TNIK: variants seen among roughly 807,000 people sequenced by gnomAD.
The protein encoded by TNIK is TRAF2 and NCK interacting kinase, also known as TRAF2 and NCK-interacting protein kinase.
Under a neutral mutation model 191.3 loss-of-function variants are expected in TNIK, and 49 were observed. That is an observed-to-expected ratio of 0.26 (90% CI 0.20 to 0.32). TNIK has a LOEUF of 0.32. Ranked by LOEUF, TNIK falls within the 10% of genes least tolerant of loss-of-function variation. The pLI is 1.00. For synonymous variants in TNIK, 594 were observed against 600.9 expected, an observed-to-expected ratio of 0.99 and a Z score of 0.17; for missense variants, 1,155 against 1,702.3, an observed-to-expected ratio of 0.68 and a Z score of 5.66.
chr3:171,168,556 G>T (rs929364024), intron 9 of TNIK, among the ~76,000 whole-genome samples: 3 of 152,024 alleles, frequency 2.0e-5, no homozygotes, highest in African/African-American at 7.2e-5. Context: ...TTTATTCCAT[G>T]TTTTTAAAGT....
chr3:171,253,248 C>T (rs1746447996), intron 2 of TNIK, among the ~76,000 whole-genome samples: 2 of 149,520 alleles, frequency 1.3e-5, no homozygotes, highest in South Asian at 2.1e-4. Flanking sequence ...CACACCACTG[C>T]ACTCCAGCCT....
rs1723461864 is a variant in TNIK, at chr3:171,419,308, C to T, written c.57+40699G>A. On this transcript the variant is annotated intron_variant, in intron 1 of 32. Transcript: ENST00000436636. The stretch of plus-strand genomic sequence containing the variant: ...AGTAAATGTCCATAATGGGAAAATC[C>T]GTAAAGACAGAAAGTAGATTAGTGA... Among the ~76,000 whole-genome samples the T allele has an allele frequency of 2.6e-5, 4 of 152,010 alleles. No homozygotes were observed. In the South Asian group the frequency reaches 8.3e-4, roughly 31 times the overall value.
intron 18 of TNIK, among the ~76,000 whole-genome samples, chr3:171,113,311 A>G (rs1053924715): frequency 6.6e-6 from 1 of 152,180 alleles, no homozygotes; most frequent in Non-Finnish European, 1.5e-5. Flanking sequence ...TAATTATTAT[A>G]AAATGCTAAT....
chr3:171,292,671 G>T (rs1482089384), intron 2 of TNIK, among the ~76,000 whole-genome samples: 1 of 151,504 alleles, frequency 6.6e-6, no homozygotes, highest in East Asian at 1.9e-4. Flanking sequence ...AGCTACTCGG[G>T]AGGCTGAGGC....
At chr3:171,145,544 G>C (rs1731444644) in intron 12 of TNIK, among the ~76,000 whole-genome samples, 1 of 152,146 alleles carries the variant, frequency 6.6e-6, no homozygotes, top group South Asian at 2.1e-4. Context: ...GCACTTTCAA[G>C]CATGTGAATT....
At chr3:171,309,906 T>C (rs1313494745) in intron 2 of TNIK, among the ~76,000 whole-genome samples, 1 of 152,152 alleles carries the variant, frequency 6.6e-6, no homozygotes, top group Non-Finnish European at 1.5e-5. Context: ...CTAGTTGTCC[T>C]CTTGGGGAGA....
In TNIK at chr3:171,197,792, G is replaced by A. The variant is rs150064896; in HGVS notation, c.307-3157C>T. 3.9e-5 allele frequency among the ~76,000 whole-genome samples: 6 copies of A among 152,286 alleles called. No homozygotes were observed. The East Asian group carries it at 9.6e-4, about 24-fold the overall frequency. On this transcript the variant is annotated intron_variant, in intron 4 of 32. Coordinates refer to ENST00000436636, the MANE Select transcript of TNIK (RefSeq NM_015028.4). ...GTATTGGTGAGGATGTGGGGAAACT[G>A]GAACCTCTATACATTGCTAATGGTA... is the stretch of plus-strand genomic sequence containing the variant.
rs755619663 is a variant in TNIK at position 171,063,788 on chromosome 3, T to C, written c.*93A>G. The C allele has an allele frequency of 2.1e-5, 28 of 1,305,822 alleles. No individual in the cohort carries two copies. The highest frequency in any genetic ancestry group is 2.8e-5 in the Non-Finnish European group (26 of 933,906). The allele number at this position is 1,305,822 out of a possible 1,614,324, so 80.9% of individuals were successfully genotyped here. A position where few individuals can be genotyped will look rare whatever the true frequency, so the allele number is the denominator to read the frequency against. ...AAGCGATATGTTCAACCAAGCCTTC[T>C]GATTCTGCCTCTAGACTGGCATAAG... On this transcript the variant is annotated 3_prime_UTR_variant, in exon 33 of 33. Transcript: ENST00000436636.
chr3:171,096,436 T>A (rs1722727131), intron 22 of TNIK, among the ~76,000 whole-genome samples: 1 of 152,156 alleles, frequency 6.6e-6, no homozygotes, highest in Admixed American at 6.5e-5. Context: ...TTACTGTGGC[T>A]TACAAGCTCT....
At chr3:171,190,877 A>G in intron 5 of TNIK, 90 bp from the exon 6 acceptor site, 1 of 883,496 alleles carries the variant, frequency 1.1e-6, no homozygotes, top group East Asian at 2.7e-5. Context: ...CAAAAACTTT[A>G]CACTCACCCA....
rs775289646 is a variant in TNIK at position 171,128,887 on chromosome 3, C to CCAAAAA, written c.1609-10_1609-9insTTTTTG. ...CTTGACCGTTCTTCTACCTACAACCCAAAAAAAAAAAAAAAAAAAAGACAG... is the reference window on the plus strand; with the variant it reads ...CTTGACCGTTCTTCTACCTACAACCCCAAAAAAAAAAAAAAAAAAAAAAAAAGACAG... On this transcript the variant is annotated splice_polypyrimidine_tract_variant and intron_variant, in intron 15 of 32. Transcript: ENST00000436636. 5.6e-6 allele frequency: 7 copies of CCAAAAA among 1,245,216 alleles called. No homozygotes were observed. The highest frequency in any genetic ancestry group is 4.0e-5 in the African/African-American group (2 of 49,644). The allele number at this position is 1,245,216 out of a possible 1,614,324, so 77.1% of individuals were successfully genotyped here.
Position 171,062,799 on chromosome 3 carries a change from A to T in TNIK, c.*1082T>A, listed in dbSNP as rs1717957154. ...ATTAATTTTTTCAGTCACAGTTTTCATCTTGAGAAAGTGGCACCCTCGGGA... is the reference window on the plus strand; with the variant it reads ...ATTAATTTTTTCAGTCACAGTTTTCTTCTTGAGAAAGTGGCACCCTCGGGA... On this transcript the variant is annotated 3_prime_UTR_variant, in exon 33 of 33. Transcript: ENST00000436636. 1 of 152,174 alleles carries T rather than the reference A, an allele frequency of 6.6e-6. No individual in the cohort carries two copies. The highest frequency in any genetic ancestry group is 2.1e-4 in the South Asian group (1 of 4,832). 9.4% of individuals were successfully genotyped at this position (152,174 alleles called of 1,614,324 possible).
At chr3:171,268,475 C>A (rs1450505942) in intron 2 of TNIK, among the ~76,000 whole-genome samples, 1 of 151,960 alleles carries the variant, frequency 6.6e-6, no homozygotes, top group Non-Finnish European at 1.5e-5. Flanking sequence ...CTCCACCCTG[C>A]CACTTGGTGT....
chr3:171,211,642 T>C (rs1390675377), intron 3 of TNIK, among the ~76,000 whole-genome samples: 2 of 152,160 alleles, frequency 1.3e-5, no homozygotes, highest in Non-Finnish European at 2.9e-5. Context: ...ATTAAAACCG[T>C]GGGCGCTCAG....
chr3:171,205,158 T>C (rs941282300), intron 4 of TNIK, among the ~76,000 whole-genome samples: 2 of 152,218 alleles, frequency 1.3e-5, no homozygotes, highest in Non-Finnish European at 2.9e-5. Flanking sequence ...TGTTATATTC[T>C]ATGACTGTGT....
rs944880258 is a variant in TNIK at position 171,069,017 on chromosome 3, A to T, written c.3550-20T>A. ...AAAAGACTTTAAAAATCACCCCATTAGTATCCGCATCACTCAAAGAGGCAT... is the reference window on the plus strand; with the variant it reads ...AAAAGACTTTAAAAATCACCCCATTTGTATCCGCATCACTCAAAGAGGCAT... On this transcript the variant is annotated intron_variant, in intron 29 of 32. Coordinates refer to ENST00000436636, the MANE Select transcript of TNIK (RefSeq NM_015028.4). 6.2e-7 allele frequency: 1 copy of T among 1,603,016 alleles called. No individual in the cohort carries two copies. The highest frequency in any genetic ancestry group is 1.3e-5 in the African/African-American group (1 of 74,522).
intron 9 of TNIK, among the ~76,000 whole-genome samples, chr3:171,167,605 A>G (rs1030289978): frequency 1.3e-5 from 2 of 152,248 alleles, no homozygotes; most frequent in Non-Finnish European, 2.9e-5. Flanking sequence ...TATTGGAATA[A>G]GGAAACCATA....
chr3:171,356,173 T>A (rs1714024717), intron 2 of TNIK, among the ~76,000 whole-genome samples: 1 of 150,638 alleles, frequency 6.6e-6, no homozygotes, highest in Non-Finnish European at 1.5e-5. Context: ...GAATATAGAG[T>A]TTTTCTGGGG....
At chr3:171,380,035 A>G (rs933962491) in intron 1 of TNIK, among the ~76,000 whole-genome samples, 4 of 150,848 alleles carry the variant, frequency 2.7e-5, no homozygotes, top group African/African-American at 4.9e-5. Flanking sequence ...ACGCGCACAC[A>G]CACACACACA....
Sources: allele counts gnomAD v4.1 joint callset (sites outside exome capture counted in the v4.1 genomes callset), GRCh38; gene constraint gnomAD v4.1.1; transcripts MANE v1.5; gene names NCBI Gene and HGNC (gene_info 2026-07-23, HGNC 2026-07-21).